The following FMO5 variants were observed in gnomAD, a reference collection of about 807,000 sequenced individuals.
FMO5 encodes flavin containing dimethylaniline monoxygenase 5.
A neutral mutation model predicts 43.6 loss-of-function variants in FMO5; 51 were observed. That is an observed-to-expected ratio of 1.17 (90% CI 0.93 to 1.48). FMO5 has a LOEUF of 1.48. Ranked by LOEUF, FMO5 falls within the 40% of genes most tolerant of loss-of-function variation. The pLI is 0.00. For missense variants in FMO5, 644 were observed against 643.0 expected, an observed-to-expected ratio of 1.00 and a Z score of -0.02; for synonymous variants, 187 against 216.5, an observed-to-expected ratio of 0.86 and a Z score of 1.20.
Position 147,208,840 on chromosome 1 carries a change from C to T in FMO5, c.830+12G>A, listed in dbSNP as rs267597999. 9 of 1,610,254 alleles carry T rather than the reference C, an allele frequency of 5.6e-6. No homozygotes were observed. Among genetic ancestry groups the T allele is most frequent in the Non-Finnish European group, 6.8e-6 (8 of 1,176,728 alleles). On this transcript the variant is annotated intron_variant, in intron 6 of 8. Transcript: ENST00000254090. ...TGGCCACTATCCCTGCACTCCCATC[C>T]TGGGAACATACCTGTGTTTAGGCTT...
At position 147,186,965 on chromosome 1, in the gene FMO5, T is replaced by A; in HGVS notation, c.1537A>T (p.Thr513Ser). The change falls in exon 9 of 9, where the codon ACA becomes TCA. Residue 513 changes from threonine (T) to serine (S), a missense_variant. Transcript: ENST00000254090. ...VVERSSSMTS[T>S]MTIGKFMLAL... Reference sequence around the variant, plus strand: ...AGCATAAACTTGCCTATTGTCATTGTTGAAGTCATAGAACTACTCCTTTCA... The same window carrying A: ...AGCATAAACTTGCCTATTGTCATTGATGAAGTCATAGAACTACTCCTTTCA... The A allele has an allele frequency of 6.2e-7, 1 of 1,614,182 alleles. No individual in the cohort carries two copies. Among genetic ancestry groups the A allele is most frequent in the Non-Finnish European group, 8.5e-7 (1 of 1,180,012 alleles).
chr1:147,185,120 C>G (rs1553916776), downstream of FMO5, among the ~76,000 whole-genome samples: 1 of 151,634 alleles, frequency 6.6e-6, no homozygotes, highest in African/African-American at 2.4e-5. Flanking sequence ...GTTTTGAGTT[C>G]AATTTCTTGT....
chr1:147,204,518 C>T, intron 6 of FMO5: 1 of 1,567,608 alleles, frequency 6.4e-7, no homozygotes, highest in Non-Finnish European at 8.8e-7. Context: ...ATCTCATGAG[C>T]TTTTCTGCAA....
Position 147,204,233 on chromosome 1 carries a change from A to T in FMO5, c.831-2729T>A. 2.3e-6 allele frequency: 3 copies of T among 1,319,892 alleles called. No homozygotes were observed. The Admixed American group carries it at 5.0e-5, about 22-fold the overall frequency. 81.8% of individuals were successfully genotyped at this position (1,319,892 alleles called of 1,614,324 possible). ...GTACACTGCTATTTTTGCATCTTTG[A>T]CAGATGTACATCACCTTCTGTTTCC... On this transcript the variant is annotated intron_variant, in intron 6 of 8. Transcript: ENST00000254090.
intron 8 of FMO5, among the ~76,000 whole-genome samples, chr1:147,188,543 A>T (rs1330355749): frequency 6.7e-6 from 1 of 150,074 alleles, no homozygotes; most frequent in East Asian, 2.0e-4. Context: ...AAAAAAAAAA[A>T]AGAGCTATAG....
intron 6 of FMO5, among the ~76,000 whole-genome samples, chr1:147,205,141 C>T (rs1659763353): frequency 6.6e-6 from 1 of 152,206 alleles, no homozygotes; most frequent in Non-Finnish European, 1.5e-5. Flanking sequence ...ATGCTATACC[C>T]TTGCTCTATT....
Position 147,224,904 on chromosome 1 carries a change from C to A in FMO5, c.126G>T (p.Trp42Cys), listed in dbSNP as rs782330792. Residue 42 changes from tryptophan (W) to cysteine (C), a missense_variant, in exon 2 of 9, where the codon TGG becomes TGT. Trp to Cys is a radical substitution (Grantham distance 215, BLOSUM62 -2). Coordinates refer to ENST00000254090, the MANE Select transcript of FMO5 (RefSeq NM_001461.4). ...FERTDDIGGL[W>C]RFQENPEEGR... ...TAGGAGATGTATGTACCTGGAACCT[C>A]CAGAGCCCTCCGATGTCATCAGTCC... 1 of 1,613,932 alleles carries A rather than the reference C, an allele frequency of 6.2e-7. No individual in the cohort carries two copies. Among genetic ancestry groups the A allele is most frequent in the African/African-American group, 1.3e-5 (1 of 74,880 alleles).
intron 8 of FMO5, among the ~76,000 whole-genome samples, chr1:147,188,242 G>A (rs1655981037): frequency 6.6e-6 from 1 of 152,124 alleles, no homozygotes; most frequent in African/African-American, 2.4e-5. Flanking sequence ...TATTCATGAG[G>A]TTGGGCGTGG....
downstream of FMO5, among the ~76,000 whole-genome samples, chr1:147,185,927 A>G (rs1316578801): frequency 6.6e-6 from 1 of 152,202 alleles, no homozygotes; most frequent in Non-Finnish European, 1.5e-5. Flanking sequence ...AAACTGGTAT[A>G]AGCAGAATGT....
chr1:147,184,885 G>A (rs1352808304), downstream of FMO5, among the ~76,000 whole-genome samples: 1 of 152,078 alleles, frequency 6.6e-6, no homozygotes, highest in Non-Finnish European at 1.5e-5. The surrounding 1 kb of genome is among the most constrained non-coding windows in gnomAD (Gnocchi z 4.4). Flanking sequence ...CTTGAGGGCA[G>A]AGTTCATAAA....
rs1409659937 is a variant in FMO5, at chr1:147,215,872, C to A, written c.206G>T (p.Cys69Phe). ...ATCTGGGATTGGATAGTCACTGAAG[C>A]ACATCATCTCTTTAGAAGTATTGAT... Reference protein sequence around the residue: ...VIINTSKEMMCFSDYPIPDHY... With the variant: ...VIINTSKEMMFFSDYPIPDHY... The change falls in exon 3 of 9, where the codon TGC becomes TTC. Residue 69 changes from cysteine to phenylalanine, a missense_variant. Coordinates refer to ENST00000254090, the MANE Select transcript of FMO5 (RefSeq NM_001461.4). 4 of 1,613,374 alleles carry A rather than the reference C, an allele frequency of 2.5e-6. No individual in the cohort carries two copies. Among genetic ancestry groups the A allele is most frequent in the Non-Finnish European group, 3.4e-6 (4 of 1,179,350 alleles).
Position 147,215,894 on chromosome 1 carries a change from T to C in FMO5, c.184A>G (p.Asn62Asp), listed in dbSNP as rs1553924937. 2 of 1,613,082 alleles carry C rather than the reference T, an allele frequency of 1.2e-6. No individual in the cohort carries two copies. The change falls in exon 3 of 9, where the codon AAT becomes GAT. Residue 62 changes from asparagine (N) to aspartate (D), a missense_variant. Transcript: ENST00000254090. ...RASIYKSVIINTSKEMMCFSD... is the reference protein window; with the variant it reads ...RASIYKSVIIDTSKEMMCFSD... ...AAGCACATCATCTCTTTAGAAGTAT[T>C]GATGATCACTGATTTGTAAATACTG...
Position 147,212,506 on chromosome 1 carries a change from G to C in FMO5, c.517C>G (p.His173Asp). The C allele has an allele frequency of 1.2e-6, 2 of 1,613,722 alleles. No individual in the cohort carries two copies. The highest frequency in any genetic ancestry group is 1.7e-6 in the Non-Finnish European group (2 of 1,179,708). Reference protein sequence around the residue: ...GIEKFKGQYFHSRDYKNPEGF... With the variant: ...GIEKFKGQYFDSRDYKNPEGF... ...TCTGGGTTCTTATAGTCTCGACTGT[G>C]GAAGTACTGCCCTTTGAACTTCTCA... is the stretch of plus-strand genomic sequence containing the variant. Residue 173 changes from histidine (H) to aspartate (D), a missense_variant, in exon 5 of 9, where the codon CAC (histidine) becomes GAC (aspartate). Physicochemically the swap from His to Asp is moderately conservative, Grantham distance 81. Transcript: ENST00000254090.
intron 7 of FMO5, among the ~76,000 whole-genome samples, chr1:147,191,173 A>T (rs587766805): frequency 4.6e-4 from 70 of 152,244 alleles, no homozygotes; most frequent in African/African-American, 1.6e-3. Context: ...TAGCAGCATG[A>T]TTTATAATCC....
chr1:147,211,883 C>T (rs1559665591), intron 5 of FMO5, among the ~76,000 whole-genome samples: 1 of 152,218 alleles, frequency 6.6e-6, no homozygotes, highest in Non-Finnish European at 1.5e-5. Context: ...CGGATACCCA[C>T]ATTGTCTTTG....
intron 7 of FMO5, among the ~76,000 whole-genome samples, chr1:147,193,295 G>C (rs1395305530): frequency 9.2e-5 from 14 of 152,108 alleles, no homozygotes; most frequent in African/African-American, 2.4e-5. Context: ...GTTTATTTGT[G>C]TAGAGGTGTT....
rs1553924900 is a variant in FMO5 at position 147,215,836 on chromosome 1, T to C, written c.242A>G (p.Asn81Ser). 1.9e-6 allele frequency: 3 copies of C among 1,613,472 alleles called. No individual in the cohort carries two copies. The highest frequency in any genetic ancestry group is 2.5e-6 in the Non-Finnish European group (3 of 1,179,414). Residue 81 changes from asparagine to serine, a missense_variant, in exon 3 of 9, where the codon AAC becomes AGC. Transcript: ENST00000254090. ...CAGGACCTGGGCATTATGCATGAAG[T>C]TGGGATAATGATCTGGGATTGGATA... is the stretch of plus-strand genomic sequence containing the variant. ...SDYPIPDHYPNFMHNAQVLEY... is the reference protein window; with the variant it reads ...SDYPIPDHYPSFMHNAQVLEY...
intron 6 of FMO5, chr1:147,203,485 C>T: frequency 1.2e-6 from 1 of 847,072 alleles, no homozygotes; most frequent in Non-Finnish European, 2.1e-6. Flanking sequence ...AGTATCTAAT[C>T]CAACATTTTT....
At chr1:147,206,502 T>G (rs1325061010) in intron 6 of FMO5, among the ~76,000 whole-genome samples, 9 of 152,182 alleles carry the variant, frequency 5.9e-5, no homozygotes, top group African/African-American at 2.2e-4. Context: ...AGCAAGGACT[T>G]GGAACCAACC....
Sources: gnomAD v4.1 joint callset for allele counts (sites outside exome capture counted in the v4.1 genomes callset) on GRCh38, gnomAD v4.1.1 for gene constraint, Gnocchi (gnomAD v3.1) non-coding constraint, MANE v1.5 for transcripts, NCBI Gene and HGNC (gene_info 2026-07-23, HGNC 2026-07-21) for gene names.